The following AASDH variants were observed in gnomAD, a reference collection of about 807,000 sequenced individuals.
The protein encoded by AASDH is aminoadipate-semialdehyde dehydrogenase, also known as beta-alanine-activating enzyme.
Under a neutral mutation model 102.3 loss-of-function variants are expected in AASDH, and 81 were observed. The observed-to-expected ratio is 0.79, with a 90% CI of 0.66 to 0.95. The LOEUF is 0.95. Among genes scored for constraint, AASDH ranks in the 40% least tolerant of loss-of-function variants. The pLI, the probability that AASDH is intolerant of heterozygous loss-of-function variation, is 0.00. For synonymous variants in AASDH, 398 were observed against 454.0 expected (o/e 0.88, Z 1.57); for missense variants, 1,203 against 1,266.2 (o/e 0.95, Z 0.76).
intron 2 of AASDH, among the ~76,000 whole-genome samples, chr4:56,382,817 C>G (rs1173487907): frequency 6.6e-6 from 1 of 152,204 alleles, no homozygotes; most frequent in African/African-American, 2.4e-5. Flanking sequence ...CGCCTGTAAT[C>G]CCAGCACTTT....
rs1753713523 is a variant in AASDH at position 56,387,486 on chromosome 4, A to G, written c.-167T>C. The G allele has an allele frequency of 6.6e-6, 1 of 152,212 alleles. No homozygotes were observed. Among genetic ancestry groups the G allele is most frequent in the Admixed American group, 6.5e-5 (1 of 15,274 alleles). The allele number at this position is 152,212 out of a possible 1,614,324, so 9.4% of individuals were successfully genotyped here. A position where few individuals can be genotyped will look rare whatever the true frequency, so the allele number is the denominator to read the frequency against. On this transcript the variant is annotated 5_prime_UTR_variant, in exon 1 of 15. The change abolishes an upstream ATG in the 5' untranslated region. Coordinates refer to ENST00000205214, the MANE Select transcript of AASDH (RefSeq NM_181806.4). ...TAAAGCTATCCCAGAGCGAGGCACCATACGTAAATCTTCCGCGTCGCTACG... is the reference window on the plus strand; with the variant it reads ...TAAAGCTATCCCAGAGCGAGGCACCGTACGTAAATCTTCCGCGTCGCTACG...
chr4:56,370,402 GAAAGA>G (rs902654093), intron 5 of AASDH, among the ~76,000 whole-genome samples: 1 of 151,586 alleles, frequency 6.6e-6, no homozygotes, highest in Non-Finnish European at 1.5e-5. Context: ...GAGAAAGAAA[GAAAGA>G]AAAGAAAAGA....
At chr4:56,386,102 A>G (rs1753523489) in intron 1 of AASDH, among the ~76,000 whole-genome samples, 1 of 152,206 alleles carries the variant, frequency 6.6e-6, no homozygotes, top group South Asian at 2.1e-4. Flanking sequence ...CTAAATATAC[A>G]GTTTAAACAT....
chr4:56,367,407 CA>C (rs1332683770), intron 5 of AASDH, among the ~76,000 whole-genome samples: 1 of 121,000 alleles, frequency 8.3e-6, no homozygotes, highest in Admixed American at 8.7e-5. Context: ...CCTGCATTGC[CA>C]AGTCAATCCT....
intron 5 of AASDH, chr4:56,356,928 T>G: frequency 1.2e-6 from 1 of 815,334 alleles, no homozygotes. Flanking sequence ...CTAAACTGGG[T>G]TAAATGTACA....
chr4:56,357,704 A>C (rs147964276), intron 5 of AASDH, among the ~76,000 whole-genome samples: 233 of 151,342 alleles, frequency 1.5e-3, no homozygotes, highest in African/African-American at 5.5e-3. Context: ...TCATAAAATA[A>C]GTAGCCTGTT....
chr4:56,338,789 A>G lies in AASDH; in HGVS notation c.2910T>C (p.Val970=). 6.2e-7 allele frequency: 1 copy of G among 1,612,476 alleles called. No homozygotes were observed. Among genetic ancestry groups the G allele is most frequent in the South Asian group, 1.1e-5 (1 of 90,778 alleles). ...TTGGTCCACTGGTAGAGAACTGCCAAACCTATAACAAGTAATAAAAATAAA... is the reference window on the plus strand; with the variant it reads ...TTGGTCCACTGGTAGAGAACTGCCAGACCTATAACAAGTAATAAAAATAAA... The part of the protein sequence containing the change: ...LLCFTHFGEQ[V]WQFSTSGPIF... Residue 970 remains valine (V), a splice_region_variant and synonymous_variant, in exon 15 of 15, where the codon GTT becomes GTC. Transcript: ENST00000205214.
At chr4:56,342,281 C>G (rs1747794829) in intron 14 of AASDH, among the ~76,000 whole-genome samples, 1 of 151,966 alleles carries the variant, frequency 6.6e-6, no homozygotes, top group African/African-American at 2.4e-5. Context: ...TTCAGAACAG[C>G]TAAAAGAGAA....
intron 11 of AASDH, among the ~76,000 whole-genome samples, chr4:56,347,506 T>C (rs929695727): frequency 6.6e-6 from 1 of 152,184 alleles, no homozygotes; most frequent in African/African-American, 2.4e-5. Context: ...GGGGGAGATA[T>C]TATACCCAGG....
intron 14 of AASDH, among the ~76,000 whole-genome samples, 185 bp from the exon 15 acceptor site, chr4:56,338,976 A>G (rs1450217573): frequency 1.3e-5 from 2 of 152,154 alleles, no homozygotes; most frequent in African/African-American, 4.8e-5. Context: ...CCCAGTGGTA[A>G]AATGTAAAAT....
chr4:56,342,025 T>C (rs1369096775), intron 14 of AASDH, among the ~76,000 whole-genome samples: 1 of 150,848 alleles, frequency 6.6e-6, no homozygotes, highest in East Asian at 2.0e-4. Context: ...AGCAGGAGAA[T>C]TGCTTGAACC....
intron 5 of AASDH, among the ~76,000 whole-genome samples, chr4:56,366,634 A>T (rs1233232540): frequency 6.6e-6 from 1 of 151,956 alleles, no homozygotes; most frequent in Non-Finnish European, 1.5e-5. Flanking sequence ...TGATTATCTC[A>T]ATAGATGCAG....
intron 3 of AASDH, chr4:56,381,734 A>T (rs1752988804): frequency 6.6e-6 from 1 of 151,836 alleles, no homozygotes; most frequent in South Asian, 2.1e-4. Context: ...AAACTGGCTC[A>T]TATAGAAAAT....
intron 5 of AASDH, among the ~76,000 whole-genome samples, chr4:56,370,402 G>GAAAGA (rs902654093): frequency 6.6e-6 from 1 of 151,586 alleles, no homozygotes; most frequent in African/African-American, 2.4e-5. Context: ...GAGAAAGAAA[G>GAAAGA]AAAGAAAAGA....
intron 5 of AASDH, among the ~76,000 whole-genome samples, chr4:56,360,069 C>T (rs1750122082): frequency 6.6e-6 from 1 of 152,202 alleles, no homozygotes; most frequent in Non-Finnish European, 1.5e-5. Flanking sequence ...TAGAATGACT[C>T]TACATCCCAG....
chr4:56,367,223 C>T (rs1285736258), intron 5 of AASDH, among the ~76,000 whole-genome samples: 1 of 151,830 alleles, frequency 6.6e-6, no homozygotes, highest in East Asian at 1.9e-4. Flanking sequence ...AAAGAGGATA[C>T]AAACAAATGG....
chr4:56,338,652 G>A lies in AASDH; in HGVS notation c.3047C>T (p.Thr1016Ile), dbSNP rs369772967. 12 of 1,614,152 alleles carry A rather than the reference G, an allele frequency of 7.4e-6. No homozygotes were observed. Among genetic ancestry groups the A allele is most frequent in the South Asian group, 1.1e-5 (1 of 91,072 alleles). ...MKGHLQWKFE[T>I]TSRVYATPFA... ...CGGTGTTGCATAGACCCTTGAAGTA[G>A]TTTCAAATTTCCACTGCAGGTGACC... The change falls in exon 15 of 15, where the codon ACT (threonine) becomes ATT (isoleucine). Residue 1016 changes from threonine (T) to isoleucine (I), a missense_variant. By Grantham distance (89) the Thr-to-Ile change is moderately conservative (BLOSUM62 -1). Coordinates refer to ENST00000205214, the MANE Select transcript of AASDH (RefSeq NM_181806.4).
At chr4:56,342,769 T>C in intron 14 of AASDH, 66 bp downstream of exon 14, 1 of 664,202 alleles carries the variant, frequency 1.5e-6, no homozygotes, top group Non-Finnish European at 2.0e-6. Context: ...TTTCTAGTTC[T>C]ATTTTTTATA....
chr4:56,346,314 A>C lies in AASDH; in HGVS notation c.2489-1024T>G, dbSNP rs1021400419. Among the ~76,000 whole-genome samples, 11 of 152,308 alleles carry C rather than the reference A, an allele frequency of 7.2e-5. 1 individual carries two copies. The highest frequency in any genetic ancestry group is 6.5e-4 in the Admixed American group (10 of 15,296). On this transcript the variant is annotated intron_variant, in intron 11 of 14. Transcript: ENST00000205214. ...TTTTTTCCCCTGGCAGTTATTATTT[A>C]GTAGCAAGAGAGTAGTGGCCAGCTC... is the stretch of plus-strand genomic sequence containing the variant.
Sources: allele counts gnomAD v4.1 joint callset (sites outside exome capture counted in the v4.1 genomes callset), GRCh38; gene constraint gnomAD v4.1.1; transcripts MANE v1.5; gene names NCBI Gene and HGNC (gene_info 2026-07-23, HGNC 2026-07-21).